The following CCBE1 variants were observed in gnomAD, a reference collection of about 807,000 sequenced individuals.
The protein encoded by CCBE1 is collagen and calcium binding EGF domains 1.
A neutral mutation model predicts 50.0 loss-of-function variants in CCBE1; 37 were observed. That is an observed-to-expected ratio of 0.74 (90% CI 0.57 to 0.97). CCBE1 has a LOEUF of 0.97. Among genes scored for constraint, CCBE1 ranks in the 50% least tolerant of loss-of-function variants. CCBE1 has a pLI of 0.00. For missense variants in CCBE1, 538 were observed against 523.8 expected, an observed-to-expected ratio of 1.03 and a Z score of -0.26; for synonymous variants, 234 against 203.7, an observed-to-expected ratio of 1.15 and a Z score of -1.27.
At chr18:59,675,398 C>T (rs1470195539) in intron 2 of CCBE1, among the ~76,000 whole-genome samples, 1 of 152,100 alleles carries the variant, frequency 6.6e-6, no homozygotes, top group African/African-American at 2.4e-5. Flanking sequence ...ATGGGGAAAA[C>T]CAAGCAACAA....
chr18:59,671,742 A>G (rs1373903949), intron 2 of CCBE1, among the ~76,000 whole-genome samples: 1 of 147,774 alleles, frequency 6.8e-6, no homozygotes, highest in Non-Finnish European at 1.5e-5. Context: ...CAAGCAGTGA[A>G]GGGAAGGGGA....
At chr18:59,445,522 ACAGT>A (rs1314407766) in intron 7 of CCBE1, among the ~76,000 whole-genome samples, 1 of 152,244 alleles carries the variant, frequency 6.6e-6, no homozygotes, top group Non-Finnish European at 1.5e-5. Context: ...AGATGGAATG[ACAGT>A]CAGACTCCAG....
chr18:59,668,820 T>G (rs958771860), intron 2 of CCBE1, among the ~76,000 whole-genome samples: 8 of 54,342 alleles, frequency 1.5e-4, no homozygotes, highest in African/African-American at 9.8e-4. Context: ...TCCATAAGTC[T>G]TTTTTTTTTT....
intron 2 of CCBE1, among the ~76,000 whole-genome samples, chr18:59,655,964 T>C (rs1403016572): frequency 4.6e-5 from 7 of 152,228 alleles, no homozygotes; most frequent in Non-Finnish European, 1.0e-4. Flanking sequence ...CACAAACCTG[T>C]AAATAACCTG....
At chr18:59,539,918 T>C (rs2564480) in intron 2 of CCBE1, among the ~76,000 whole-genome samples, 149,114 of 152,330 alleles carry the variant, frequency 0.98, 73,004 homozygotes, top group East Asian at 1. Context: ...TTATAATAAA[T>C]AAGCTTTTTT....
chr18:59,618,436 G>GTT (rs1458037196), intron 2 of CCBE1, among the ~76,000 whole-genome samples: 82 of 141,588 alleles, frequency 5.8e-4, no homozygotes, highest in Middle Eastern at 7.4e-3. Context: ...CCTTAGAAAA[G>GTT]TTTTTTTTTT....
At chr18:59,686,425 G>A (rs960156480) in intron 2 of CCBE1, among the ~76,000 whole-genome samples, 2 of 152,218 alleles carry the variant, frequency 1.3e-5, no homozygotes, top group African/African-American at 4.8e-5. Context: ...GAGTCAGACT[G>A]CCTGGCTTTG....
At chr18:59,480,283 A>C in intron 2 of CCBE1, 45 bp from the exon 3 acceptor site, 1 of 1,382,626 alleles carries the variant, frequency 7.2e-7, no homozygotes, top group Non-Finnish European at 1.0e-6. Context: ...TAGGCTAAAA[A>C]TAAAATTCTT....
chr18:59,510,636 G>A (rs1001908231), intron 2 of CCBE1, among the ~76,000 whole-genome samples: 1 of 152,206 alleles, frequency 6.6e-6, no homozygotes, highest in African/African-American at 2.4e-5. Context: ...TGGCCAGGCT[G>A]GTCCTGAACT....
chr18:59,604,740 A>G (rs1469189161), intron 2 of CCBE1, among the ~76,000 whole-genome samples: 4 of 152,272 alleles, frequency 2.6e-5, no homozygotes, highest in Non-Finnish European at 5.9e-5. Context: ...TTTGAGATAC[A>G]TTAGACCAGG....
chr18:59,536,204 C>T (rs917671679), intron 2 of CCBE1, among the ~76,000 whole-genome samples: 6 of 152,160 alleles, frequency 3.9e-5, no homozygotes, highest in South Asian at 4.1e-4. Context: ...TTGATCAAAT[C>T]GATCTTTATG....
chr18:59,642,227 A>G (rs1030706605), intron 2 of CCBE1, among the ~76,000 whole-genome samples: 1 of 152,232 alleles, frequency 6.6e-6, no homozygotes, highest in African/African-American at 2.4e-5. Context: ...CAAATGGTCC[A>G]TTAACTCAAA....
At position 59,641,187 on chromosome 18, in the gene CCBE1, A is replaced by G. The variant is rs919681112; in HGVS notation, c.212+55442T>C. On this transcript the variant is annotated intron_variant, in intron 2 of 10. Transcript: ENST00000439986. ...TATGTTCATTACAGTACTAGTCACAATAGCAAATACATGGAATCAACTGAA... is the reference window on the plus strand; with the variant it reads ...TATGTTCATTACAGTACTAGTCACAGTAGCAAATACATGGAATCAACTGAA... Among the ~76,000 whole-genome samples the G allele has an allele frequency of 2.6e-5, 4 of 152,182 alleles. No homozygotes were observed. In the East Asian group the frequency reaches 7.7e-4, roughly 29 times the overall value.
chr18:59,627,195 C>A (rs185673310), intron 2 of CCBE1, among the ~76,000 whole-genome samples: 1 of 152,274 alleles, frequency 6.6e-6, no homozygotes, highest in East Asian at 1.9e-4. Flanking sequence ...TGCTTAGTTT[C>A]CTAGTGATAT....
intron 2 of CCBE1, among the ~76,000 whole-genome samples, chr18:59,655,604 T>C (rs1209888391): frequency 7.9e-5 from 12 of 152,154 alleles, no homozygotes. Flanking sequence ...ATAGACAACA[T>C]GTAAGGAAGT....
chr18:59,564,884 T>G (rs2052796798), intron 2 of CCBE1, among the ~76,000 whole-genome samples: 1 of 152,146 alleles, frequency 6.6e-6, no homozygotes, highest in Non-Finnish European at 1.5e-5. Context: ...CTAGGAGGGA[T>G]TTAAAGGCCA....
At chr18:59,530,671 A>G (rs1294577257) in intron 2 of CCBE1, among the ~76,000 whole-genome samples, 1 of 152,256 alleles carries the variant, frequency 6.6e-6, no homozygotes, top group East Asian at 1.9e-4. Context: ...AAAGATGTTC[A>G]TAAAATTGAC....
At chr18:59,660,835 A>G (rs2054274179) in intron 2 of CCBE1, among the ~76,000 whole-genome samples, 1 of 152,220 alleles carries the variant, frequency 6.6e-6, no homozygotes, top group African/African-American at 2.4e-5. Context: ...TGGAATAACT[A>G]TAATTCTGTG....
At position 59,644,526 on chromosome 18, in the gene CCBE1, G is replaced by C. The variant is rs186687978; in HGVS notation, c.212+52103C>G. Among the ~76,000 whole-genome samples, 344 of 152,266 alleles carry C rather than the reference G, an allele frequency of 2.3e-3. 4 individuals are homozygous for C. The highest frequency in any genetic ancestry group is 7.9e-3 in the African/African-American group (329 of 41,552). ...CACTGCAAAATGACAATTTTTTCCA[G>C]TCACACTTACCATTACTTCAGAACC... On this transcript the variant is annotated intron_variant, in intron 2 of 10. Coordinates refer to ENST00000439986, the MANE Select transcript of CCBE1 (RefSeq NM_133459.4).
Sources: allele counts gnomAD v4.1 joint callset (sites outside exome capture counted in the v4.1 genomes callset), GRCh38; gene constraint gnomAD v4.1.1; transcripts MANE v1.5; gene names NCBI Gene and HGNC (gene_info 2026-07-23, HGNC 2026-07-21).